Variants in OTOGL observed in about 807,000 individuals in gnomAD.
The protein encoded by OTOGL is otogelin like.
OTOGL carries 285 observed loss-of-function variants against 318.5 expected under a neutral mutation model. The observed-to-expected ratio is 0.89, with a 90% confidence interval of 0.81 to 0.99. The LOEUF (loss-of-function observed/expected upper bound fraction) is 0.99. Among genes scored for constraint, OTOGL ranks in the 50% least tolerant of loss-of-function variants. The pLI, the probability that OTOGL is intolerant of heterozygous loss-of-function variation, is 0.00. For missense variants in OTOGL, 2,899 were observed against 2,845.6 expected (o/e 1.02, Z -0.43); for synonymous variants, 987 against 936.5 (o/e 1.05, Z -0.99).
At chr12:80,310,562 G>A in intron 29 of OTOGL, 49 bp from the exon 30 acceptor site, 1 of 1,320,676 alleles carries the variant, frequency 7.6e-7, no homozygotes, top group Non-Finnish European at 1.1e-6. Flanking sequence ...CTCTGTTTGA[G>A]AAATTGTCCC....
chr12:80,202,476 T>C lies in OTOGL; in HGVS notation c.-19-6937T>C, dbSNP rs1876528783. Among the ~76,000 whole-genome samples, 3 of 152,152 alleles carry C rather than the reference T, an allele frequency of 2.0e-5. No homozygotes were observed. In the South Asian group the frequency reaches 6.2e-4, roughly 31 times the overall value. On this transcript the variant is annotated intron_variant, in intron 1 of 58. Transcript: ENST00000547103. Reference sequence around the variant, plus strand: ...TTAGTAGAGACTGGGTTTCACCATGTTGGCCAGACAGGTCTCAAACTCCTG... The same window carrying C: ...TTAGTAGAGACTGGGTTTCACCATGCTGGCCAGACAGGTCTCAAACTCCTG...
At chr12:80,281,842 T>C (rs1039677942) in intron 26 of OTOGL, among the ~76,000 whole-genome samples, 1 of 151,862 alleles carries the variant, frequency 6.6e-6, no homozygotes, top group Non-Finnish European at 1.5e-5. Flanking sequence ...AAGGCTTAGA[T>C]AGTATTTGAT....
chr12:80,141,244 G>A (rs868540229), intron 1 of OTOGL, among the ~76,000 whole-genome samples: 19 of 152,082 alleles, frequency 1.2e-4, no homozygotes, highest in African/African-American at 3.4e-4. Context: ...AAAGTAAGCC[G>A]TGGCATTATC....
Position 80,367,706 on chromosome 12 carries a change from T to C in OTOGL, c.6477T>C (p.Phe2159=). The change falls in exon 54 of 59, where the codon TTT becomes TTC. Residue 2159 remains phenylalanine, a synonymous_variant. Coordinates refer to ENST00000547103, the MANE Select transcript of OTOGL (RefSeq NM_001378609.3). Reference sequence around the variant, plus strand: ...ATACGGGCTTTCACACTCTGAATTTTACACTGGTGAATTGTTCAAAAAAAT... The same window carrying C: ...ATACGGGCTTTCACACTCTGAATTTCACACTGGTGAATTGTTCAAAAAAAT... ...DNHTGFHTLN[F]TLVNCSKKCD... The C allele has an allele frequency of 1.4e-6, 2 of 1,459,592 alleles. No homozygotes were observed. Among genetic ancestry groups the C allele is most frequent in the South Asian group, 2.9e-5 (2 of 68,000 alleles). 90.4% of individuals were successfully genotyped at this position (1,459,592 alleles called of 1,614,324 possible). A position where few individuals can be genotyped will look rare whatever the true frequency, so the allele number is the denominator to read the frequency against.
intron 1 of OTOGL, among the ~76,000 whole-genome samples, chr12:80,128,776 G>A (rs888781937): frequency 6.6e-6 from 1 of 152,288 alleles, no homozygotes; most frequent in Admixed American, 6.5e-5. Flanking sequence ...CCGCCTTGCC[G>A]TTTGATCTCA....
intron 1 of OTOGL, among the ~76,000 whole-genome samples, chr12:80,170,175 AGG>A (rs1420160495): frequency 1.5e-5 from 2 of 134,254 alleles, no homozygotes; most frequent in African/African-American, 6.0e-5. Flanking sequence ...TCACTTTGTC[AGG>A]GGTGTGTGTG....
chr12:80,113,654 T>G (rs1427935887), intron 1 of OTOGL, among the ~76,000 whole-genome samples: 8 of 152,106 alleles, frequency 5.3e-5, no homozygotes, highest in Non-Finnish European at 1.2e-4. Context: ...GGTTGTTTTG[T>G]CCAGAGCTGA....
intron 1 of OTOGL, among the ~76,000 whole-genome samples, chr12:80,171,530 A>G (rs537161560): frequency 2.0e-5 from 3 of 152,162 alleles, no homozygotes; most frequent in Non-Finnish European, 4.4e-5. Flanking sequence ...TGTTTCATTG[A>G]TATTTATCTT....
At chr12:80,298,776 A>T (rs1592675026) in intron 27 of OTOGL, among the ~76,000 whole-genome samples, 1 of 152,130 alleles carries the variant, frequency 6.6e-6, no homozygotes, top group South Asian at 2.1e-4. Context: ...CTCAGGGAGG[A>T]GTGTCCTGAT....
chr12:80,125,958 C>A (rs1351344554), intron 1 of OTOGL, among the ~76,000 whole-genome samples: 1 of 152,108 alleles, frequency 6.6e-6, no homozygotes, highest in Non-Finnish European at 1.5e-5. Flanking sequence ...TGCTAGCAGT[C>A]TATCAATTTT....
chr12:80,164,862 C>G (rs752327788), intron 1 of OTOGL, among the ~76,000 whole-genome samples: 1 of 152,050 alleles, frequency 6.6e-6, no homozygotes, highest in Non-Finnish European at 1.5e-5. Context: ...TTAATTGGCT[C>G]ATGGTTCTGC....
intron 10 of OTOGL, among the ~76,000 whole-genome samples, 163 bp from the exon 11 acceptor site, chr12:80,239,170 T>A (rs567735871): frequency 6.6e-6 from 1 of 152,358 alleles, no homozygotes; most frequent in East Asian, 1.9e-4. Context: ...AATGCAGTAC[T>A]CATGAAAATA....
intron 40 of OTOGL, 118 bp downstream of exon 40, chr12:80,336,673 T>G (rs1888427782): frequency 7.1e-7 from 1 of 1,416,330 alleles, no homozygotes; most frequent in Non-Finnish European, 9.6e-7. Context: ...ATCGGTCTTC[T>G]GATAATGTTT....
At position 80,254,430 on chromosome 12, in the gene OTOGL, A is replaced by G. The variant is rs17006559; in HGVS notation, c.1395-94A>G. 3,672 of 793,862 alleles carry G rather than the reference A, an allele frequency of 4.6e-3. 116 individuals are homozygous for G. The Admixed American group carries it at 0.059, about 13-fold the overall frequency. The allele number at this position is 793,862 out of a possible 1,614,324, so 49.2% of individuals were successfully genotyped here. A position where few individuals can be genotyped will look rare whatever the true frequency, so the allele number is the denominator to read the frequency against. ...GTCAGATTATTCTGAACCTATAAACATGATATATTTTGGTCCATTAATCAA... is the reference window on the plus strand; with the variant it reads ...GTCAGATTATTCTGAACCTATAAACGTGATATATTTTGGTCCATTAATCAA... On this transcript the variant is annotated intron_variant, in intron 14 of 58. Transcript: ENST00000547103.
chr12:80,277,758 T>C (rs1486161150), intron 24 of OTOGL, among the ~76,000 whole-genome samples: 2 of 151,528 alleles, frequency 1.3e-5, no homozygotes, highest in Non-Finnish European at 1.5e-5. Context: ...ACAAAAATGT[T>C]AACCATTTAA....
At chr12:80,350,411 A>G (rs1233739723) in intron 44 of OTOGL, among the ~76,000 whole-genome samples, 2 of 152,266 alleles carry the variant, frequency 1.3e-5, no homozygotes, top group East Asian at 1.9e-4. Context: ...TTTCCTTTGG[A>G]TATGTACGTA....
chr12:80,116,279 C>T (rs10778708), intron 1 of OTOGL, among the ~76,000 whole-genome samples: 84,056 of 151,592 alleles, frequency 0.55, 23,484 homozygotes, highest in Middle Eastern at 0.59. Context: ...CACAGTCCCT[C>T]ACAGTTTCCC....
Position 80,353,380 on chromosome 12 carries a change from A to T in OTOGL, c.5463A>T (p.Ala1821=). Reference sequence around the variant, plus strand: ...AACCCTGTGTGCGACCTTGTGAAGCAAGAACATGCCTGAACCAATGGTTCT... The same window carrying T: ...AACCCTGTGTGCGACCTTGTGAAGCTAGAACATGCCTGAACCAATGGTTCT... ...EYQPCVRPCE[A]RTCLNQWFYG... The change falls in exon 46 of 59, where the codon GCA becomes GCT. Residue 1821 remains alanine (A), a synonymous_variant. Transcript: ENST00000547103. The T allele has an allele frequency of 6.2e-7, 1 of 1,602,156 alleles. No homozygotes were observed. Among genetic ancestry groups the T allele is most frequent in the Non-Finnish European group, 8.5e-7 (1 of 1,174,040 alleles).
chr12:80,147,267 T>C (rs1030627409), intron 1 of OTOGL, among the ~76,000 whole-genome samples: 3 of 148,342 alleles, frequency 2.0e-5, no homozygotes, highest in Admixed American at 6.7e-5. Context: ...TTTGTTCTCG[T>C]TGGTTTCAAA....
Sources: allele counts gnomAD v4.1 joint callset (sites outside exome capture counted in the v4.1 genomes callset), GRCh38; gene constraint gnomAD v4.1.1; transcripts MANE v1.5; gene names NCBI Gene and HGNC (gene_info 2026-07-23, HGNC 2026-07-21).